Variants in ADIPOR2 observed in about 807,000 individuals in gnomAD.
ADIPOR2 encodes adiponectin receptor protein 2.
In ADIPOR2, 18 loss-of-function variants were observed where a neutral mutation model predicts 40.9. The observed-to-expected ratio is 0.44, with a 90% confidence interval of 0.30 to 0.65. The LOEUF (loss-of-function observed/expected upper bound fraction) is 0.65, where lower values mean the gene tolerates loss of function less well. Among genes scored for constraint, ADIPOR2 ranks in the 30% least tolerant of loss-of-function variants. The pLI is 0.09. For synonymous variants in ADIPOR2, 165 were observed against 166.4 expected, an observed-to-expected ratio of 0.99 and a Z score of 0.06; for missense variants, 283 against 479.2, an observed-to-expected ratio of 0.59 and a Z score of 3.82.
intron 1 of ADIPOR2, among the ~76,000 whole-genome samples, chr12:1,704,019 T>A (rs2094656494): frequency 2.0e-5 from 3 of 148,592 alleles, no homozygotes; most frequent in South Asian, 4.3e-4. Flanking sequence ...CCACCAGTTT[T>A]TTTTTTTTTT....
intron 1 of ADIPOR2, among the ~76,000 whole-genome samples, chr12:1,700,228 G>A (rs768674952): frequency 3.3e-5 from 5 of 152,118 alleles, no homozygotes; most frequent in Admixed American, 1.3e-4. Flanking sequence ...GGCCATTTAG[G>A]CCTTTCTTTT....
chr12:1,748,349 C>A (rs4765841), intron 1 of ADIPOR2, among the ~76,000 whole-genome samples: 3 of 151,998 alleles, frequency 2.0e-5, no homozygotes, highest in Non-Finnish European at 2.9e-5. Flanking sequence ...CCCGGGTTCA[C>A]GCCATTCTCC....
At chr12:1,775,632 G>A (rs1862575439) in intron 3 of ADIPOR2, among the ~76,000 whole-genome samples, 1 of 152,142 alleles carries the variant, frequency 6.6e-6, no homozygotes, top group Non-Finnish European at 1.5e-5. Context: ...AAGATGTAAG[G>A]GTTGATTTCT....
chr12:1,769,257 C>T (rs142448510), intron 2 of ADIPOR2, among the ~76,000 whole-genome samples: 1 of 152,056 alleles, frequency 6.6e-6, no homozygotes, highest in Admixed American at 6.5e-5. Context: ...TATGGTATAC[C>T]CTAGGGAAAG....
intron 1 of ADIPOR2, among the ~76,000 whole-genome samples, chr12:1,724,758 A>G (rs2094704511): frequency 2.0e-5 from 3 of 151,766 alleles, no homozygotes. Context: ...TGGCACGATC[A>G]CGGCTCACTG....
chr12:1,786,030 T>A lies in ADIPOR2; in HGVS notation c.1119T>A (p.Arg373=), dbSNP rs1346697939. ...FHGVSNLQEF[R]FMIGGGCSEE... is the part of the protein sequence containing the mutation. ...GTGTCTCAAACCTCCAGGAGTTTCGTTTCATGATCGGCGGGGGCTGCAGTG... is the reference window on the plus strand; with the variant it reads ...GTGTCTCAAACCTCCAGGAGTTTCGATTCATGATCGGCGGGGGCTGCAGTG... The change falls in exon 8 of 8, where the codon CGT becomes CGA. Residue 373 remains arginine, a synonymous_variant. Transcript: ENST00000357103. The A allele has an allele frequency of 1.2e-6, 2 of 1,614,024 alleles. No homozygotes were observed. Among genetic ancestry groups the A allele is most frequent in the African/African-American group, 1.3e-5 (1 of 74,900 alleles).
chr12:1,778,231 C>G (rs944739788), intron 4 of ADIPOR2: 2 of 516,412 alleles, frequency 3.9e-6, no homozygotes, highest in African/African-American at 2.0e-5. Flanking sequence ...AGTTATATTT[C>G]TTTCTACTAG....
intron 1 of ADIPOR2, among the ~76,000 whole-genome samples, chr12:1,749,193 G>T (rs1023773070): frequency 1.3e-5 from 2 of 152,196 alleles, no homozygotes; most frequent in Admixed American, 6.5e-5. Context: ...GTCCTCCCTG[G>T]ATGCTCCACC....
chr12:1,693,143 G>A (rs976926531), intron 1 of ADIPOR2, among the ~76,000 whole-genome samples: 1 of 152,022 alleles, frequency 6.6e-6, no homozygotes, highest in Non-Finnish European at 1.5e-5. Context: ...CAACAAGAGC[G>A]AAACTCCGTC....
chr12:1,754,381 G>A lies in ADIPOR2; in HGVS notation c.38G>A (p.Arg13Lys). 1.2e-6 allele frequency: 2 copies of A among 1,612,024 alleles called. No homozygotes were observed. Among genetic ancestry groups the A allele is most frequent in the Non-Finnish European group, 1.7e-6 (2 of 1,179,142 alleles). Reference protein sequence around the residue: ...EPTENRLGCSRTPEPDIRLRK... With the variant: ...EPTENRLGCSKTPEPDIRLRK... ...ACAGAAAACCGATTGGGGTGCAGCA[G>A]GACTCCAGAGCCAGATATAAGGCTC... is the stretch of plus-strand genomic sequence containing the variant. The change falls in exon 2 of 8, where the codon AGG becomes AAG. Residue 13 changes from arginine (R) to lysine (K), a missense_variant. By Grantham distance (26) the Arg-to-Lys change is conservative. Coordinates refer to ENST00000357103, the MANE Select transcript of ADIPOR2 (RefSeq NM_024551.3).
chr12:1,716,537 AT>A (rs1291183689), intron 1 of ADIPOR2, among the ~76,000 whole-genome samples: 2 of 152,218 alleles, frequency 1.3e-5, no homozygotes, highest in Admixed American at 6.5e-5. Flanking sequence ...AAAATAATGC[AT>A]TTACAACTAT....
At chr12:1,780,859 C>T in intron 5 of ADIPOR2, 30 bp from the exon 6 acceptor site, 1 of 1,541,590 alleles carries the variant, frequency 6.5e-7, no homozygotes, top group South Asian at 1.3e-5. Flanking sequence ...TAAATTACTG[C>T]ATTAAATGGA....
At chr12:1,767,269 C>CAAAAAAAAAAA (rs61401998) in intron 2 of ADIPOR2, among the ~76,000 whole-genome samples, 1 of 87,468 alleles carries the variant, frequency 1.1e-5, no homozygotes, top group Non-Finnish European at 2.3e-5. Flanking sequence ...AAGACTTCGT[C>CAAAAAAAAAAA]AAAAAAAAAA....
rs1419817912 is a variant in ADIPOR2 at position 1,788,025 on chromosome 12, A to C, written c.*1953A>C. ...ACAGTGGCCATTTGGACAGAAGCCC[A>C]CTTAGTTTCTTGGGAGCAACAGCAC... On this transcript the variant is annotated 3_prime_UTR_variant, in exon 8 of 8. Transcript: ENST00000357103. The C allele has an allele frequency of 6.5e-6, 1 of 152,736 alleles. No homozygotes were observed. Among genetic ancestry groups the C allele is most frequent in the Non-Finnish European group, 1.5e-5 (1 of 68,122 alleles). 9.5% of individuals were successfully genotyped at this position (152,736 alleles called of 1,614,324 possible).
chr12:1,715,296 A>G (rs2094685314), intron 1 of ADIPOR2, among the ~76,000 whole-genome samples: 1 of 151,978 alleles, frequency 6.6e-6, no homozygotes. Context: ...TGTAATTTAT[A>G]TTTCCCTCAG....
At chr12:1,754,603 A>AAATCTCC in intron 2 of ADIPOR2, 89 bp downstream of exon 2, 1 of 1,318,114 alleles carries the variant, frequency 7.6e-7, no homozygotes, top group Non-Finnish European at 1.0e-6. Flanking sequence ...GTGGGGGTCC[A>AAATCTCC]TTGCTGGAGG....
chr12:1,771,394 A>G (rs1000096315), intron 2 of ADIPOR2, among the ~76,000 whole-genome samples: 3 of 146,374 alleles, frequency 2.0e-5, no homozygotes, highest in Admixed American at 6.8e-5. Context: ...TCTCAAACTA[A>G]AAAAAAAAAA....
At position 1,749,604 on chromosome 12, in the gene ADIPOR2, C is replaced by G. The variant is rs116239062; in HGVS notation, c.-86-4654C>G. On this transcript the variant is annotated intron_variant, in intron 1 of 7. Coordinates refer to ENST00000357103, the MANE Select transcript of ADIPOR2 (RefSeq NM_024551.3). Reference sequence around the variant, plus strand: ...ATTCTTTTGCTCATACCAACACAGTCTTGACTAGCTATGTAGTTGGCCTTC... The same window carrying G: ...ATTCTTTTGCTCATACCAACACAGTGTTGACTAGCTATGTAGTTGGCCTTC... Among the ~76,000 whole-genome samples the G allele has an allele frequency of 6.1e-3, 934 of 152,260 alleles. 10 individuals carry two copies. Among genetic ancestry groups the G allele is most frequent in the African/African-American group, 0.021 (888 of 41,532 alleles).
chr12:1,752,116 G>T (rs2094770590), intron 1 of ADIPOR2, among the ~76,000 whole-genome samples: 1 of 150,508 alleles, frequency 6.6e-6, no homozygotes, highest in Non-Finnish European at 1.5e-5. Flanking sequence ...TGTATTTTTA[G>T]TAGAGGGTTT....
Sources: allele counts gnomAD v4.1 joint callset (sites outside exome capture counted in the v4.1 genomes callset), GRCh38; gene constraint gnomAD v4.1.1; transcripts MANE v1.5; gene names NCBI Gene and HGNC (gene_info 2026-07-23, HGNC 2026-07-21).